Variants in CADM2 observed in about 807,000 individuals in gnomAD.
CADM2 encodes the protein cell adhesion molecule 2.
In CADM2, 12 loss-of-function variants were observed where a neutral mutation model predicts 49.8. The ratio of observed to expected loss-of-function variants is 0.24; its 90% CI spans 0.15 to 0.39. CADM2 has a LOEUF of 0.39. CADM2 is among the 10% of genes least tolerant of loss of function. CADM2 has a pLI of 1.00. For synonymous variants in CADM2, 214 were observed against 175.4 expected, an observed-to-expected ratio of 1.22 and a Z score of -1.74; for missense variants, 378 against 492.3, an observed-to-expected ratio of 0.77 and a Z score of 2.20.
At chr3:85,093,125 A>G (rs755879141) in intron 1 of CADM2, among the ~76,000 whole-genome samples, 36 of 152,216 alleles carry the variant, frequency 2.4e-4, no homozygotes, top group Admixed American at 1.0e-3. Context: ...TTCCTAACAT[A>G]TAAATCATCA....
At chr3:85,824,184 G>A (rs1264111777) in intron 3 of CADM2, among the ~76,000 whole-genome samples, 1 of 152,132 alleles carries the variant, frequency 6.6e-6, no homozygotes, top group East Asian at 1.9e-4. Context: ...TGGAGATACT[G>A]CTATGCACAT....
In CADM2 at chr3:86,072,332, TTATA is replaced by T. The variant is rs962477392; in HGVS notation, c.*5557_*5560del. The T allele has an allele frequency of 6.6e-6, 1 of 150,998 alleles. No individual in the cohort carries two copies. The highest frequency in any genetic ancestry group is 1.5e-5 in the Non-Finnish European group (1 of 67,730). 9.4% of individuals were successfully genotyped at this position (150,998 alleles called of 1,614,324 possible). On this transcript the variant is annotated 3_prime_UTR_variant, in exon 10 of 10. Transcript: ENST00000383699. Reference sequence around the variant, plus strand: ...ATATATATAACTCAAGAAACTCAAGTTATATATATATGTCAAGAAATGTATGATT... The same window carrying T: ...ATATATATAACTCAAGAAACTCAAGTTATATATGTCAAGAAATGTATGATT...
At chr3:85,802,006 T>C in intron 2 of CADM2, 41 bp from the exon 3 acceptor site, 1 of 1,398,864 alleles carries the variant, frequency 7.1e-7, no homozygotes, top group Non-Finnish European at 9.5e-7. Flanking sequence ...AATCATTTTA[T>C]GACTTTCATT....
chr3:86,037,863 C>A (rs1244027652), intron 8 of CADM2, among the ~76,000 whole-genome samples: 2 of 152,078 alleles, frequency 1.3e-5, no homozygotes, highest in Non-Finnish European at 2.9e-5. Context: ...TTCCAGAATA[C>A]ATGGGCAGAA....
chr3:85,468,103 G>C (rs943295242), intron 1 of CADM2, among the ~76,000 whole-genome samples: 1 of 129,966 alleles, frequency 7.7e-6, no homozygotes, highest in African/African-American at 3.0e-5. Context: ...GCAGTGAGCC[G>C]AGATCCCGCC....
chr3:86,062,852 T>C (rs925941859), intron 8 of CADM2, among the ~76,000 whole-genome samples: 2 of 151,940 alleles, frequency 1.3e-5, no homozygotes, highest in Middle Eastern at 3.2e-3. Context: ...TAGCTTTACT[T>C]ACTCCTTTGA....
chr3:86,064,973 C>T (rs574178786), intron 8 of CADM2, among the ~76,000 whole-genome samples: 29 of 152,296 alleles, frequency 1.9e-4, no homozygotes, highest in African/African-American at 6.5e-4. Context: ...AAAATACATT[C>T]TTCCCTTTGA....
At chr3:85,432,090 A>G (rs1258018584) in intron 1 of CADM2, among the ~76,000 whole-genome samples, 1 of 150,876 alleles carries the variant, frequency 6.6e-6, no homozygotes, top group East Asian at 2.0e-4. Flanking sequence ...AAAAAAAACA[A>G]AAGAGATTGA....
At chr3:85,946,639 C>T (rs934525393) in intron 7 of CADM2, among the ~76,000 whole-genome samples, 3 of 152,024 alleles carry the variant, frequency 2.0e-5, no homozygotes, top group Non-Finnish European at 4.4e-5. Flanking sequence ...AGAGATAATA[C>T]CTCACATCTA....
chr3:85,707,478 C>G (rs1033152335), intron 1 of CADM2, among the ~76,000 whole-genome samples: 1 of 142,238 alleles, frequency 7.0e-6, no homozygotes, highest in African/African-American at 2.6e-5. Flanking sequence ...AAATTACTAT[C>G]TCATTATATG....
intron 1 of CADM2, among the ~76,000 whole-genome samples, chr3:85,034,992 G>A (rs962239334): frequency 2.6e-5 from 4 of 151,518 alleles, no homozygotes; most frequent in African/African-American, 7.3e-5. Context: ...TAGTAGAGAC[G>A]GAGTTTCATC....
chr3:85,947,007 GCTAC>G (rs769274819), intron 7 of CADM2, among the ~76,000 whole-genome samples: 93 of 152,136 alleles, frequency 6.1e-4, no homozygotes, highest in Non-Finnish European at 6.6e-4. Flanking sequence ...GAGTGAACAG[GCTAC>G]CTAAAGAATG....
Position 85,501,871 on chromosome 3 carries a change from T to G in CADM2, c.62-224651T>G, listed in dbSNP as rs529865703. Among the ~76,000 whole-genome samples, 14 of 152,260 alleles carry G rather than the reference T, an allele frequency of 9.2e-5. No homozygotes were observed. The South Asian group carries it at 2.9e-3, about 32-fold the overall frequency. On this transcript the variant is annotated intron_variant, in intron 1 of 9. Coordinates refer to ENST00000383699, the MANE Select transcript of CADM2 (RefSeq NM_001167675.2). Reference sequence around the variant, plus strand: ...AATGTAAATTTTTTGAAAAGCCAATTAAAACATTTATTATATCTCCTTTCT... The same window carrying G: ...AATGTAAATTTTTTGAAAAGCCAATGAAAACATTTATTATATCTCCTTTCT...
At chr3:85,758,917 G>A (rs2069244475) in intron 2 of CADM2, among the ~76,000 whole-genome samples, 1 of 152,046 alleles carries the variant, frequency 6.6e-6, no homozygotes, top group South Asian at 2.1e-4. Flanking sequence ...TGCTGAGCAT[G>A]AGAAGGGGTA....
intron 1 of CADM2, among the ~76,000 whole-genome samples, chr3:85,295,698 C>A (rs1289096674): frequency 6.6e-6 from 1 of 151,132 alleles, no homozygotes; most frequent in Admixed American, 6.6e-5. Flanking sequence ...GAACAAAAAA[C>A]CAAACACTCA....
chr3:85,989,169 G>A (rs1051687079), intron 8 of CADM2, among the ~76,000 whole-genome samples: 37 of 152,242 alleles, frequency 2.4e-4, no homozygotes, highest in African/African-American at 8.9e-4. Flanking sequence ...AAGGGGTGGA[G>A]CCAAAGTGTG....
intron 1 of CADM2, among the ~76,000 whole-genome samples, chr3:85,179,445 C>CT (rs1241074796): frequency 3.3e-5 from 5 of 151,230 alleles, no homozygotes; most frequent in Admixed American, 1.3e-4. Context: ...TTGGTTTTTG[C>CT]TTTTTTTTGG....
At chr3:85,391,605 G>C (rs1246797878) in intron 1 of CADM2, among the ~76,000 whole-genome samples, 1 of 152,072 alleles carries the variant, frequency 6.6e-6, no homozygotes, top group Non-Finnish European at 1.5e-5. Context: ...ATTATATTGT[G>C]CAATACAAAT....
At chr3:85,724,036 C>CA (rs148742164) in intron 1 of CADM2, among the ~76,000 whole-genome samples, 263 of 151,726 alleles carry the variant, frequency 1.7e-3, no homozygotes, top group African/African-American at 5.3e-3. Flanking sequence ...ACAATACACA[C>CA]AAAAAATAAC....
Sources: gnomAD v4.1 joint callset for allele counts (sites outside exome capture counted in the v4.1 genomes callset) on GRCh38, gnomAD v4.1.1 for gene constraint, MANE v1.5 for transcripts, NCBI Gene and HGNC (gene_info 2026-07-23, HGNC 2026-07-21) for gene names.